The following NHS variants were observed in gnomAD, a reference collection of about 807,000 sequenced individuals.
The protein encoded by NHS is actin remodeling regulator NHS.
A neutral mutation model predicts 72.5 loss-of-function variants in NHS; 5 were observed. The ratio of observed to expected loss-of-function variants is 0.07; its 90% CI spans 0.04 to 0.14. The LOEUF (loss-of-function observed/expected upper bound fraction) is 0.14, where lower values mean the gene tolerates loss of function less well. NHS is among the 10% of genes least tolerant of loss of function. The probability of loss-of-function intolerance (pLI) is 1.00; values close to 1 mark genes in which losing one functional copy is unlikely to be tolerated. For synonymous variants in NHS, 464 were observed against 547.7 expected, an observed-to-expected ratio of 0.85 and a Z score of 2.13; for missense variants, 1,072 against 1,355.7, an observed-to-expected ratio of 0.79 and a Z score of 3.29.
chrX:17,549,744 T>C (rs1035827857), intron 1 of NHS, among the ~76,000 whole-genome samples: 3 of 111,139 alleles, frequency 2.7e-5, no homozygotes, highest in Non-Finnish European at 5.7e-5. Context: ...GCAGCTGATA[T>C]CAGCACCAGA....
intron 1 of NHS, among the ~76,000 whole-genome samples, chrX:17,538,582 G>A (rs2065244693): frequency 9.0e-6 from 1 of 111,418 alleles, no homozygotes; most frequent in South Asian, 3.8e-4. Flanking sequence ...TTGAGTCCTG[G>A]CACTTCTGTG....
intron 1 of NHS, among the ~76,000 whole-genome samples, chrX:17,551,093 T>C (rs2065333433): frequency 8.9e-6 from 1 of 112,011 alleles, no homozygotes; most frequent in Non-Finnish European, 1.9e-5. Context: ...AATTGTCACC[T>C]GCTAGGCTCT....
intron 1 of NHS, among the ~76,000 whole-genome samples, chrX:17,671,324 C>T (rs2066044174): frequency 8.9e-6 from 1 of 112,346 alleles, no homozygotes; most frequent in African/African-American, 3.2e-5. Flanking sequence ...AGCAGAGCCC[C>T]ATTTAGTGTA....
chrX:17,517,570 TG>T (rs1241036748), intron 1 of NHS, among the ~76,000 whole-genome samples: 1 of 111,543 alleles, frequency 9.0e-6, no homozygotes, highest in Admixed American at 9.5e-5. Context: ...GGTTTCAGGG[TG>T]GGAAGTCAAG....
chrX:17,403,989 C>T (rs1387569276), intron 1 of NHS, among the ~76,000 whole-genome samples: 1 of 111,880 alleles, frequency 8.9e-6, no homozygotes, highest in Non-Finnish European at 1.9e-5. Context: ...GTTGTGCCTG[C>T]CCTTCTAGAC....
chrX:17,420,344 A>G (rs767366010), intron 1 of NHS, among the ~76,000 whole-genome samples: 1 of 111,752 alleles, frequency 8.9e-6, no homozygotes, highest in Non-Finnish European at 1.9e-5. Context: ...TTATCCAAGA[A>G]TCCATTCATT....
chrX:17,440,258 TAAAAAAAAAAAAAA>T, intron 1 of NHS, among the ~76,000 whole-genome samples: 1 of 37,289 alleles, frequency 2.7e-5, no homozygotes, highest in South Asian at 1.5e-3. Flanking sequence ...GACTCAGTCT[TAAAAAAAAAAAAAA>T]AAAAAAAAAA....
At chrX:17,508,868 G>A (rs1336436418) in intron 1 of NHS, among the ~76,000 whole-genome samples, 1 of 111,664 alleles carries the variant, frequency 9.0e-6, no homozygotes, top group East Asian at 2.8e-4. Flanking sequence ...GTGTGTATTT[G>A]CTTGAGTACT....
intron 3 of NHS, among the ~76,000 whole-genome samples, chrX:17,717,139 G>C (rs1371229170): frequency 9.1e-6 from 1 of 110,420 alleles, no homozygotes; most frequent in Non-Finnish European, 1.9e-5. Flanking sequence ...GGCTAATTTT[G>C]TATTTTTAGT....
At chrX:17,480,807 G>C (rs763634512) in intron 1 of NHS, among the ~76,000 whole-genome samples, 183 of 111,688 alleles carry the variant, frequency 1.6e-3, no homozygotes, top group African/African-American at 5.9e-3. Context: ...TGGTATGGGG[G>C]CTTCAATTTT....
chrX:17,466,840 G>A (rs182409782), intron 1 of NHS, among the ~76,000 whole-genome samples: 14 of 112,042 alleles, frequency 1.2e-4, no homozygotes, highest in African/African-American at 4.5e-4. Flanking sequence ...ATCCCGTGAT[G>A]TGAGAAGCTG....
At chrX:17,376,380 C>A (rs925623850) in intron 1 of NHS, 58 bp downstream of exon 1, 179 of 1,042,142 alleles carry the variant, frequency 1.7e-4, no homozygotes, top group Middle Eastern at 3.4e-4. Flanking sequence ...CACCCTCGCG[C>A]CCTCCCCAGC....
intron 3 of NHS, among the ~76,000 whole-genome samples, chrX:17,708,157 A>G (rs1007542412): frequency 8.9e-6 from 1 of 111,948 alleles, no homozygotes; most frequent in Non-Finnish European, 1.9e-5. Context: ...GTTAAGGAAA[A>G]TACTAACCTT....
chrX:17,575,438 C>G (rs999853917), intron 1 of NHS, among the ~76,000 whole-genome samples: 1 of 112,361 alleles, frequency 8.9e-6, no homozygotes, highest in African/African-American at 3.2e-5. Context: ...TGCCTCAGAG[C>G]ATTCATACCT....
intron 3 of NHS, among the ~76,000 whole-genome samples, chrX:17,704,175 G>C (rs1485355236): frequency 4.5e-5 from 5 of 111,577 alleles, no homozygotes; most frequent in Non-Finnish European, 9.4e-5. Flanking sequence ...CTACTTGGGA[G>C]GCTGATGCAG....
chrX:17,469,099 T>C (rs1349314562), intron 1 of NHS, among the ~76,000 whole-genome samples: 1 of 112,041 alleles, frequency 8.9e-6, no homozygotes, highest in Non-Finnish European at 1.9e-5. Flanking sequence ...ACCTGGTCTC[T>C]TTTGTTCCAC....
chrX:17,467,697 C>T (rs998658469), intron 1 of NHS, among the ~76,000 whole-genome samples: 2 of 111,620 alleles, frequency 1.8e-5, no homozygotes, highest in African/African-American at 6.5e-5. Flanking sequence ...AATTAGATTG[C>T]CTAGATTTTA....
intron 1 of NHS, among the ~76,000 whole-genome samples, chrX:17,537,297 C>G (rs923105787): frequency 3.6e-5 from 4 of 112,256 alleles, no homozygotes; most frequent in African/African-American, 1.3e-4. Flanking sequence ...AAATGTGATC[C>G]AAGCATAATG....
chrX:17,481,899 A>G (rs1311932002), intron 1 of NHS, among the ~76,000 whole-genome samples: 2 of 111,873 alleles, frequency 1.8e-5, no homozygotes, highest in Non-Finnish European at 3.8e-5. Flanking sequence ...GTTTTCACTT[A>G]CTCTTAGCCA....
Sources: allele counts gnomAD v4.1 joint callset (sites outside exome capture counted in the v4.1 genomes callset), GRCh38; gene constraint gnomAD v4.1.1; transcripts MANE v1.5; gene names NCBI Gene and HGNC (gene_info 2026-07-23, HGNC 2026-07-21).